Variants in DGKB observed in about 807,000 individuals in gnomAD.
The protein encoded by DGKB is 90 kDa diacylglycerol kinase.
DGKB carries 67 observed loss-of-function variants against 114.3 expected under a neutral mutation model. That is an observed-to-expected ratio of 0.59 (90% confidence interval 0.48 to 0.72). The LOEUF (loss-of-function observed/expected upper bound fraction) is 0.72, where lower values mean the gene tolerates loss of function less well. Among genes scored for constraint, DGKB ranks in the 30% least tolerant of loss-of-function variants. The pLI is 0.00. For synonymous variants in DGKB, 398 were observed against 323.1 expected (o/e 1.23, Z -2.49); for missense variants, 907 against 975.2 (o/e 0.93, Z 0.93).
intron 5 of DGKB, among the ~76,000 whole-genome samples, chr7:14,729,744 C>T (rs1830644840): frequency 6.6e-6 from 1 of 152,060 alleles, no homozygotes; most frequent in South Asian, 2.1e-4. Flanking sequence ...ATAGTCAGTT[C>T]AAAAGTGGTT....
chr7:14,852,492 A>AAAAAAAAAAAAAAAAC (rs768018336), intron 1 of DGKB, among the ~76,000 whole-genome samples: 2 of 149,766 alleles, frequency 1.3e-5, no homozygotes, highest in African/African-American at 4.9e-5. Flanking sequence ...AAAGTCAAAA[A>AAAAAAAAAAAAAAAAC]AAAAACAGAA....
At chr7:14,758,896 G>C (rs144653672) in intron 2 of DGKB, among the ~76,000 whole-genome samples, 5 of 132,032 alleles carry the variant, frequency 3.8e-5, no homozygotes, top group African/African-American at 8.4e-5. Context: ...TAGATAGATA[G>C]ATAGATAGAT....
chr7:14,763,101 T>C (rs1835937141), intron 2 of DGKB, among the ~76,000 whole-genome samples: 1 of 152,130 alleles, frequency 6.6e-6, no homozygotes, highest in Non-Finnish European at 1.5e-5. Context: ...TATCCATTCA[T>C]CCAATTGTGA....
intron 6 of DGKB, among the ~76,000 whole-genome samples, chr7:14,704,327 A>G (rs531088793): frequency 2.0e-5 from 3 of 150,282 alleles, no homozygotes; most frequent in Non-Finnish European, 4.4e-5. Flanking sequence ...AGGTGCCTGT[A>G]GTCCCAGCTA....
In DGKB at chr7:14,561,783, T is replaced by C. The variant is rs1006205778; in HGVS notation, c.1770+12429A>G. Reference sequence around the variant, plus strand: ...AAAGCATTCAAGAGGAAGCAGAGCATAAAAGTTTGGAAAATTTGCAGCCTG... The same window carrying C: ...AAAGCATTCAAGAGGAAGCAGAGCACAAAAGTTTGGAAAATTTGCAGCCTG... On this transcript the variant is annotated intron_variant, in intron 20 of 25. Transcript: ENST00000402815. 6.6e-5 allele frequency among the ~76,000 whole-genome samples: 10 copies of C among 152,324 alleles called. No homozygotes were observed. In the East Asian group the frequency reaches 7.7e-4, roughly 12 times the overall value.
In DGKB at chr7:14,442,173, G is replaced by A. The variant is rs80133928; in HGVS notation, c.1835+35988C>T. On this transcript the variant is annotated intron_variant, in intron 21 of 25. Transcript: ENST00000402815. ...TGAAAATATCAATGAATGAAGGGGT[G>A]AACTGATTCTTAATTACTGACTGAA... Among the ~76,000 whole-genome samples the A allele has an allele frequency of 5.8e-4, 88 of 152,046 alleles. 1 individual carries two copies. In the East Asian group the frequency reaches 0.015, roughly 26 times the overall value.
At chr7:14,351,070 C>CTTGAAGCAGAGCA (rs74281309) in intron 21 of DGKB, among the ~76,000 whole-genome samples, 1 of 151,874 alleles carries the variant, frequency 6.6e-6, no homozygotes, top group Non-Finnish European at 1.5e-5. Context: ...ATGGCATAGC[C>CTTGAAGCAGAGCA]GGAATTTGGA....
intron 13 of DGKB, among the ~76,000 whole-genome samples, chr7:14,631,938 C>T (rs769706654): frequency 6.6e-6 from 1 of 151,902 alleles, no homozygotes; most frequent in Non-Finnish European, 1.5e-5. Context: ...CTCAGAGACT[C>T]TCAAGCAACC....
Position 14,428,196 on chromosome 7 carries a change from C to T in DGKB, c.1835+49965G>A, listed in dbSNP as rs1827874880. Among the ~76,000 whole-genome samples the T allele has an allele frequency of 4.0e-5, 6 of 151,846 alleles. 1 individual carries two copies. The highest frequency in any genetic ancestry group is 3.9e-4 in the Admixed American group (6 of 15,230). On this transcript the variant is annotated intron_variant, in intron 21 of 25. Transcript: ENST00000402815. ...TGATATATATATATAATTTTCTTTA[C>T]AATCATCTTCCAATATTCTTTCATT...
intron 1 of DGKB, among the ~76,000 whole-genome samples, chr7:14,842,671 G>A (rs1562690934): frequency 1.3e-5 from 2 of 152,168 alleles, no homozygotes; most frequent in East Asian, 1.9e-4. Flanking sequence ...GTTACAGGCA[G>A]TTTTGGTGGG....
chr7:14,600,859 C>T (rs1803416938), intron 17 of DGKB, among the ~76,000 whole-genome samples: 1 of 152,184 alleles, frequency 6.6e-6, no homozygotes, highest in Non-Finnish European at 1.5e-5. Flanking sequence ...GTGTGCAGCC[C>T]ACACTGCATT....
At chr7:14,482,817 A>G (rs1046310029) in intron 20 of DGKB, among the ~76,000 whole-genome samples, 8 of 152,098 alleles carry the variant, frequency 5.3e-5, no homozygotes, top group Admixed American at 3.3e-4. Context: ...TTCACCTGTT[A>G]ATATTTTTAA....
intron 1 of DGKB, among the ~76,000 whole-genome samples, chr7:14,919,062 GCACACA>G (rs767285844): frequency 3.4e-4 from 40 of 118,148 alleles, no homozygotes; most frequent in South Asian, 6.0e-4. Context: ...TCCACCACAC[GCACACA>G]CACACACACA....
At chr7:14,188,418 TGGGAGG>T (rs1783775494) in intron 23 of DGKB, among the ~76,000 whole-genome samples, 1 of 148,910 alleles carries the variant, frequency 6.7e-6, no homozygotes, top group Non-Finnish European at 1.5e-5. Context: ...CCCAGCACTT[TGGGAGG>T]CCGAGGCGGG....
At chr7:14,479,839 G>GA (rs1782725664) in intron 20 of DGKB, among the ~76,000 whole-genome samples, 1 of 151,886 alleles carries the variant, frequency 6.6e-6, no homozygotes, top group East Asian at 1.9e-4. Flanking sequence ...CCCTAATCTG[G>GA]TACAAAATCA....
In DGKB at chr7:14,590,561, T is replaced by G. The variant is rs78463279; in HGVS notation, c.1434-7424A>C. On this transcript the variant is annotated intron_variant, in intron 17 of 25. Coordinates refer to ENST00000402815, the MANE Select transcript of DGKB (RefSeq NM_001350709.2). Reference sequence around the variant, plus strand: ...GTGACTGTCAGACCAGCTTACTCTCTGTAAATTGATTGCTAATCGGAAAAT... The same window carrying G: ...GTGACTGTCAGACCAGCTTACTCTCGGTAAATTGATTGCTAATCGGAAAAT... Among the ~76,000 whole-genome samples the G allele has an allele frequency of 9.7e-3, 1,472 of 152,280 alleles. 9 individuals carry two copies. Among genetic ancestry groups the G allele is most frequent in the Non-Finnish European group, 0.015 (1,034 of 68,006 alleles).
At chr7:14,180,466 A>C (rs969954634) in intron 23 of DGKB, among the ~76,000 whole-genome samples, 1 of 152,198 alleles carries the variant, frequency 6.6e-6, no homozygotes, top group Non-Finnish European at 1.5e-5. Flanking sequence ...AGTAATGAAG[A>C]TATTTCTCAT....
chr7:14,682,747 A>T lies in DGKB; in HGVS notation c.918+6T>A. The T allele has an allele frequency of 2.5e-6, 4 of 1,612,536 alleles. No individual in the cohort carries two copies. The highest frequency in any genetic ancestry group is 1.7e-4 in the Middle Eastern group (1 of 6,058). On this transcript the variant is annotated splice_donor_region_variant and intron_variant, in intron 11 of 25. Transcript: ENST00000402815. ...CTTCAGAAAGCAAGCATGCACACAA[A>T]CTTACATCAGTGTTCCTTTTGGACT... is the stretch of plus-strand genomic sequence containing the variant.
intron 1 of DGKB, among the ~76,000 whole-genome samples, chr7:14,922,712 T>C (rs1456271858): frequency 6.6e-6 from 1 of 152,232 alleles, no homozygotes; most frequent in East Asian, 1.9e-4. Context: ...AGTTGTGTGA[T>C]TTTAAAACTC....
Sources: gnomAD v4.1 joint callset for allele counts (sites outside exome capture counted in the v4.1 genomes callset) on GRCh38, gnomAD v4.1.1 for gene constraint, MANE v1.5 for transcripts, NCBI Gene and HGNC (gene_info 2026-07-23, HGNC 2026-07-21) for gene names.